Variants in ST6GALNAC6 observed in about 807,000 individuals in gnomAD.
The protein encoded by ST6GALNAC6 is alpha-N-acetylgalactosaminide alpha-2,6-sialyltransferase 6.
A neutral mutation model predicts 34.3 loss-of-function variants in ST6GALNAC6; 19 were observed. The ratio of observed to expected loss-of-function variants is 0.55; its 90% CI spans 0.39 to 0.81. The LOEUF is 0.81. Among genes scored for constraint, ST6GALNAC6 ranks in the 40% least tolerant of loss-of-function variants. ST6GALNAC6 has a pLI of 0.00. For missense variants in ST6GALNAC6, 377 were observed against 467.7 expected, an observed-to-expected ratio of 0.81 and a Z score of 1.79; for synonymous variants, 185 against 182.1, an observed-to-expected ratio of 1.02 and a Z score of -0.13.
At chr9:127,897,190 C>G in intron 2 of ST6GALNAC6, 1 of 985,796 alleles carries the variant, frequency 1.0e-6, no homozygotes, top group Non-Finnish European at 1.2e-6. Context: ...CAGCTCCTTT[C>G]CAGGGTTCCC....
rs187124169 is a variant in ST6GALNAC6, at chr9:127,890,117, G to A, written c.704+520C>T. ...CAGCTATTCACTAATTTTAAAGTGC[G>A]ATTACTATGAAAATAAATGACATAT... On this transcript the variant is annotated intron_variant, in intron 5 of 6. Coordinates refer to ENST00000373146, the MANE Select transcript of ST6GALNAC6 (RefSeq NM_013443.5). The surrounding 1 kb of genome is among the most constrained non-coding windows in gnomAD (Gnocchi z 4.3). Among the ~76,000 whole-genome samples the A allele has an allele frequency of 3.9e-5, 6 of 152,296 alleles. No homozygotes were observed. Among genetic ancestry groups the A allele is most frequent in the African/African-American group, 9.6e-5 (4 of 41,548 alleles).
chr9:127,899,699 C>G (rs1196292704), upstream of ST6GALNAC6: 1 of 979,916 alleles, frequency 1.0e-6, no homozygotes, highest in Non-Finnish European at 1.2e-6. Context: ...GTGGCTCCGC[C>G]CACGGGCGGC....
At chr9:127,897,821 C>A in intron 2 of ST6GALNAC6, 135 bp downstream of exon 2, 1 of 1,557,970 alleles carries the variant, frequency 6.4e-7, no homozygotes, top group Non-Finnish European at 8.7e-7. Flanking sequence ...CGCCCACTTT[C>A]CCACCTTTGC....
At chr9:127,889,575 C>A (rs1342859682) in intron 5 of ST6GALNAC6, among the ~76,000 whole-genome samples, 1 of 151,684 alleles carries the variant, frequency 6.6e-6, no homozygotes, top group Non-Finnish European at 1.5e-5. Context: ...TCCCAAGTAG[C>A]CGGGATTATA....
In ST6GALNAC6 at chr9:127,886,306, T is replaced by A. The variant is rs1554817323; in HGVS notation, c.*293A>T. The A allele has an allele frequency of 2.8e-6, 2 of 727,248 alleles. No homozygotes were observed. Among genetic ancestry groups the A allele is most frequent in the Non-Finnish European group, 4.1e-6 (2 of 488,950 alleles). 45.0% of individuals were successfully genotyped at this position (727,248 alleles called of 1,614,324 possible). A position where few individuals can be genotyped will look rare whatever the true frequency, so the allele number is the denominator to read the frequency against. ...AACCAAGGCCTCATGGGAAAGGACA[T>A]GTCCTTAGCCTCAGATTGACTCAGA... On this transcript the variant is annotated 3_prime_UTR_variant, in exon 7 of 7. Transcript: ENST00000373146.
upstream of ST6GALNAC6, among the ~76,000 whole-genome samples, chr9:127,902,831 A>AC (rs67953126): frequency 6.7e-6 from 1 of 150,238 alleles, no homozygotes; most frequent in African/African-American, 2.5e-5. Flanking sequence ...CAAATGATCC[A>AC]CCCCCCCTTG....
Position 127,886,629 on chromosome 9 carries a change from G to A in ST6GALNAC6, c.972C>T (p.Gly324=), listed in dbSNP as rs756006167. Residue 324 remains glycine (G), a synonymous_variant, in exon 7 of 7, where the codon GGC becomes GGT. Transcript: ENST00000373146. ...TCCAGGAGGGGTGGGAGAAGGTGAT[G>A]CCATACAGCTGGGCCCACGATGAGA... ...RVFSSWAQLY[G]ITFSHPSWT 1.9e-6 allele frequency: 3 copies of A among 1,614,014 alleles called. No individual in the cohort carries two copies. The highest frequency in any genetic ancestry group is 2.2e-5 in the East Asian group (1 of 44,874).
At chr9:127,887,973 C>T (rs1829885526) in intron 5 of ST6GALNAC6, among the ~76,000 whole-genome samples, 1 of 152,178 alleles carries the variant, frequency 6.6e-6, no homozygotes, top group African/African-American at 2.4e-5. Context: ...TAAGTTCATG[C>T]TGGAGTGACT....
chr9:127,886,560 T>A lies in ST6GALNAC6; in HGVS notation c.*39A>T, dbSNP rs1664938600. ...GCCTAGCGGCTGGGCGGAGGCTGCT[T>A]CTCCTCTGACCCTCCTGAGGTCCCA... On this transcript the variant is annotated 3_prime_UTR_variant, in exon 7 of 7. Coordinates refer to ENST00000373146, the MANE Select transcript of ST6GALNAC6 (RefSeq NM_013443.5). 2 of 1,608,702 alleles carry A rather than the reference T, an allele frequency of 1.2e-6. No homozygotes were observed. The highest frequency in any genetic ancestry group is 1.7e-6 in the Non-Finnish European group (2 of 1,177,282).
At chr9:127,899,445 C>A (rs1014706224) in intron 1 of ST6GALNAC6, 58 bp downstream of exon 1, 8 of 801,068 alleles carry the variant, frequency 1.0e-5, no homozygotes, top group Non-Finnish European at 1.2e-5. Context: ...CGCCCTCCGC[C>A]CCAGCCCCCG....
At chr9:127,894,474 G>A in intron 4 of ST6GALNAC6, 38 bp downstream of exon 4, 4 of 1,607,996 alleles carry the variant, frequency 2.5e-6, no homozygotes, top group Non-Finnish European at 3.4e-6. Context: ...TGGTGATGCT[G>A]GGCAGTAGGG....
rs1477748238 is a variant in ST6GALNAC6 at position 127,886,668 on chromosome 9, G to T, written c.933C>A (p.Thr311=). ...SRKGNHHRFI[T]EKRVFSSWAQ... is the part of the protein sequence containing the mutation. ...CCCACGATGAGAAGACCCTTTTCTCGGTGATGAAGCGGTGGTGGTTGCCCT... is the reference window on the plus strand; with the variant it reads ...CCCACGATGAGAAGACCCTTTTCTCTGTGATGAAGCGGTGGTGGTTGCCCT... Residue 311 remains threonine, a synonymous_variant, in exon 7 of 7, where the codon ACC becomes ACA. Transcript: ENST00000373146. The T allele has an allele frequency of 1.9e-6, 3 of 1,614,142 alleles. No homozygotes were observed. In the South Asian group the frequency reaches 3.3e-5, roughly 18 times the overall value.
At chr9:127,894,338 T>G (rs1230073691) in intron 4 of ST6GALNAC6, among the ~76,000 whole-genome samples, 174 bp downstream of exon 4, 1 of 152,110 alleles carries the variant, frequency 6.6e-6, no homozygotes, top group Non-Finnish European at 1.5e-5. Flanking sequence ...TGGAGAGAAC[T>G]GAGGCCCAGA....
chr9:127,894,779 C>T (rs1442037228), intron 3 of ST6GALNAC6, 88 bp from the exon 4 acceptor site: 1 of 1,495,922 alleles, frequency 6.7e-7, no homozygotes, highest in African/African-American at 1.4e-5. Context: ...CTGGTTAACT[C>T]CTGCTTTTTG....
chr9:127,897,536 G>C, intron 2 of ST6GALNAC6: 1 of 718,930 alleles, frequency 1.4e-6, no homozygotes, highest in Non-Finnish European at 1.7e-6. Flanking sequence ...GCTCGGCTTC[G>C]GGTTTCTCCA....
chr9:127,895,655 A>G (rs1043472617), intron 3 of ST6GALNAC6, among the ~76,000 whole-genome samples: 4 of 152,184 alleles, frequency 2.6e-5, no homozygotes, highest in African/African-American at 9.7e-5. Flanking sequence ...AATTTTTTGC[A>G]TTAAACTTTT....
rs992216373 is a variant in ST6GALNAC6, at chr9:127,890,045, C to A, written c.704+592G>T. On this transcript the variant is annotated intron_variant, in intron 5 of 6. Coordinates refer to ENST00000373146, the MANE Select transcript of ST6GALNAC6 (RefSeq NM_013443.5). The surrounding 1 kb of genome is among the most constrained non-coding windows in gnomAD (Gnocchi z 4.3). ...CTCCCGGGCTCAAGTCATCCTCCTG[C>A]CTCAGCCTCCTGAGTAGCTAGGACT... Among the ~76,000 whole-genome samples the A allele has an allele frequency of 2.6e-5, 4 of 152,196 alleles. No homozygotes were observed. The highest frequency in any genetic ancestry group is 9.7e-5 in the African/African-American group (4 of 41,438).
chr9:127,890,953 C>T lies in ST6GALNAC6; in HGVS notation c.388G>A (p.Glu130Lys), dbSNP rs1488218650. The change falls in exon 5 of 7, where the codon GAG becomes AAG. Residue 130 changes from glutamate to lysine, a missense_variant. Coordinates refer to ENST00000373146, the MANE Select transcript of ST6GALNAC6 (RefSeq NM_013443.5). The surrounding 1 kb of genome is among the most constrained non-coding windows in gnomAD (Gnocchi z 4.3). ...GCATCATTCATGCGGATTGTACACT[C>T]AGCCCGCTCGATCTCAGGGCCCAGC... ...TKLGPEIERAECTIRMNDAPT... is the reference protein window; with the variant it reads ...TKLGPEIERAKCTIRMNDAPT... 3 of 1,614,156 alleles carry T rather than the reference C, an allele frequency of 1.9e-6. No individual in the cohort carries two copies. Among genetic ancestry groups the T allele is most frequent in the Non-Finnish European group, 2.5e-6 (3 of 1,180,026 alleles).
At chr9:127,898,119 G>A (rs548752843) in intron 1 of ST6GALNAC6, 109 bp from the exon 2 acceptor site, 1 of 677,850 alleles carries the variant, frequency 1.5e-6, no homozygotes, top group East Asian at 2.7e-5. Context: ...CATTGGCCGG[G>A]CGCGGTGGCT....
Sources: allele counts gnomAD v4.1 joint callset (sites outside exome capture counted in the v4.1 genomes callset), GRCh38; gene constraint gnomAD v4.1.1; non-coding constraint Gnocchi (gnomAD v3.1); transcripts MANE v1.5; gene names NCBI Gene and HGNC (gene_info 2026-07-23, HGNC 2026-07-21).